The following BNC2 variants were observed in gnomAD, a reference collection of about 807,000 sequenced individuals.
BNC2 encodes basonuclin zinc finger protein 2.
In BNC2, 20 loss-of-function variants were observed where a neutral mutation model predicts 76.3. The observed-to-expected ratio is 0.26, with a 90% CI of 0.18 to 0.38. The LOEUF (loss-of-function observed/expected upper bound fraction) is 0.38, where lower values mean the gene tolerates loss of function less well. Ranked by LOEUF, BNC2 falls within the 10% of genes least tolerant of loss-of-function variation. BNC2 has a pLI of 1.00. For synonymous variants in BNC2, 582 were observed against 514.8 expected (o/e 1.13, Z -1.77); for missense variants, 1,382 against 1,399.8 (o/e 0.99, Z 0.20).
chr9:16,452,266 A>C (rs1404685705), intron 5 of BNC2, among the ~76,000 whole-genome samples: 8 of 152,164 alleles, frequency 5.3e-5, no homozygotes, highest in Admixed American at 2.6e-4. Flanking sequence ...TATGTGGTAC[A>C]TTTTCTTGAT....
intron 5 of BNC2, among the ~76,000 whole-genome samples, chr9:16,476,482 G>C (rs749388082): frequency 6.6e-6 from 1 of 151,264 alleles, no homozygotes; most frequent in East Asian, 2.0e-4. Flanking sequence ...TCAGACCTCT[G>C]CTCAAAGCTC....
In BNC2 at chr9:16,504,995, A is replaced by T. The variant is rs534462146; in HGVS notation, c.669+47535T>A. On this transcript the variant is annotated intron_variant, in intron 5 of 6. Transcript: ENST00000380672. ...TAGTAGGTAAAAGAGAAGACTATGAAGTCAACTGTCCAGGTTTGAAACACA... is the reference window on the plus strand; with the variant it reads ...TAGTAGGTAAAAGAGAAGACTATGATGTCAACTGTCCAGGTTTGAAACACA... Among the ~76,000 whole-genome samples, 4 of 152,366 alleles carry T rather than the reference A, an allele frequency of 2.6e-5. No individual in the cohort carries two copies. The South Asian group carries it at 8.3e-4, about 32-fold the overall frequency.
At chr9:16,669,174 G>A (rs1487916686) in intron 3 of BNC2, among the ~76,000 whole-genome samples, 2 of 152,128 alleles carry the variant, frequency 1.3e-5, no homozygotes, top group Non-Finnish European at 2.9e-5. Flanking sequence ...AATATTGTAC[G>A]TATTGATTGG....
chr9:16,710,523 A>G (rs1163247565), intron 3 of BNC2, among the ~76,000 whole-genome samples: 1 of 152,164 alleles, frequency 6.6e-6, no homozygotes, highest in African/African-American at 2.4e-5. Flanking sequence ...CCTTTTCATA[A>G]AATCTTAGGA....
rs953498215 is a variant in BNC2, at chr9:16,412,249, T to A, written c.*6740A>T. On this transcript the variant is annotated 3_prime_UTR_variant, in exon 7 of 7. Coordinates refer to ENST00000380672, the MANE Select transcript of BNC2 (RefSeq NM_017637.6). Reference sequence around the variant, plus strand: ...GTCCAGTTTGACAAAAGTTAATCTATCATGTTACACTATGGATTTGGAGGG... The same window carrying A: ...GTCCAGTTTGACAAAAGTTAATCTAACATGTTACACTATGGATTTGGAGGG... 2.0e-4 allele frequency: 30 copies of A among 152,648 alleles called. No homozygotes were observed. Among genetic ancestry groups the A allele is most frequent in the African/African-American group, 7.0e-4 (29 of 41,458 alleles). 9.5% of individuals were successfully genotyped at this position (152,648 alleles called of 1,614,324 possible). A position where few individuals can be genotyped will look rare whatever the true frequency, so the allele number is the denominator to read the frequency against.
At chr9:16,727,668 A>T in intron 3 of BNC2, 129 bp downstream of exon 3, 1 of 758,010 alleles carries the variant, frequency 1.3e-6, no homozygotes, top group Non-Finnish European at 2.1e-6. Flanking sequence ...ACAAAACAAG[A>T]GCCTAACTAG....
chr9:16,461,542 A>G (rs2131239805), intron 5 of BNC2, among the ~76,000 whole-genome samples: 1 of 150,306 alleles, frequency 6.7e-6, no homozygotes, highest in Non-Finnish European at 1.5e-5. Flanking sequence ...TTAATCTACT[A>G]TGAATAAACG....
chr9:16,447,135 A>C (rs1212383273), intron 5 of BNC2, among the ~76,000 whole-genome samples: 2 of 152,168 alleles, frequency 1.3e-5, no homozygotes, highest in Non-Finnish European at 2.9e-5. Flanking sequence ...GAATCATTTA[A>C]GTTTCAAAAT....
At chr9:16,443,390 C>T (rs982919665) in intron 5 of BNC2, among the ~76,000 whole-genome samples, 3 of 152,098 alleles carry the variant, frequency 2.0e-5, no homozygotes, top group African/African-American at 7.2e-5. Context: ...AATCAGTTTC[C>T]TATTGTACTT....
At chr9:16,457,172 C>A (rs779818067) in intron 5 of BNC2, among the ~76,000 whole-genome samples, 3 of 152,182 alleles carry the variant, frequency 2.0e-5, no homozygotes, top group Non-Finnish European at 4.4e-5. Flanking sequence ...TGACTAAACT[C>A]AATGACAAAA....
intron 5 of BNC2, among the ~76,000 whole-genome samples, chr9:16,458,173 C>CA (rs1393599955): frequency 1.3e-5 from 2 of 151,938 alleles, no homozygotes; most frequent in African/African-American, 4.8e-5. Flanking sequence ...ATAAACTGTG[C>CA]AATAACAGAT....
intron 3 of BNC2, among the ~76,000 whole-genome samples, chr9:16,726,145 G>A (rs991910178): frequency 3.3e-5 from 5 of 152,188 alleles, no homozygotes; most frequent in Non-Finnish European, 5.9e-5. Context: ...AGGCAGGGAT[G>A]CGTCGCGGAA....
At chr9:16,800,841 A>G (rs991977545) in intron 1 of BNC2, among the ~76,000 whole-genome samples, 3 of 152,188 alleles carry the variant, frequency 2.0e-5, no homozygotes, top group Admixed American at 6.5e-5. Flanking sequence ...TGTGCTTTAA[A>G]TATGTTTCTA....
At chr9:16,793,934 C>A (rs563131839) in intron 1 of BNC2, among the ~76,000 whole-genome samples, 60 of 146,164 alleles carry the variant, frequency 4.1e-4, no homozygotes, top group African/African-American at 1.5e-3. Flanking sequence ...GATCTCCTGA[C>A]CTCGTGATCC....
chr9:16,693,932 T>C (rs1823258525), intron 3 of BNC2, among the ~76,000 whole-genome samples: 1 of 152,230 alleles, frequency 6.6e-6, no homozygotes, highest in Non-Finnish European at 1.5e-5. Flanking sequence ...TTGGGTTTGC[T>C]CCACTCAGCT....
intron 1 of BNC2, among the ~76,000 whole-genome samples, chr9:16,760,244 A>G (rs1825514830): frequency 6.6e-6 from 1 of 152,200 alleles, no homozygotes; most frequent in African/African-American, 2.4e-5. Context: ...TATTTTTCAA[A>G]ATACCACTGC....
chr9:16,526,212 T>C (rs1441454264), intron 5 of BNC2, among the ~76,000 whole-genome samples: 1 of 152,134 alleles, frequency 6.6e-6, no homozygotes, highest in Admixed American at 6.6e-5. Context: ...CATATATGTA[T>C]GTATATGTGG....
chr9:16,802,982 T>G (rs1242215215), intron 1 of BNC2, among the ~76,000 whole-genome samples: 1 of 152,150 alleles, frequency 6.6e-6, no homozygotes, highest in Non-Finnish European at 1.5e-5. Flanking sequence ...TAAAATAGAG[T>G]AGACCATCAC....
intron 5 of BNC2, among the ~76,000 whole-genome samples, chr9:16,471,028 G>A (rs1026366692): frequency 2.0e-5 from 3 of 152,178 alleles, no homozygotes; most frequent in African/African-American, 7.2e-5. Context: ...GCAGCTGGGA[G>A]GGAGGTTGTC....
Sources: allele counts gnomAD v4.1 joint callset (sites outside exome capture counted in the v4.1 genomes callset), GRCh38; gene constraint gnomAD v4.1.1; transcripts MANE v1.5; gene names NCBI Gene and HGNC (gene_info 2026-07-23, HGNC 2026-07-21).